UMAD1: variants seen among roughly 807,000 people sequenced by gnomAD.
The protein encoded by UMAD1 is UBAP1-MVB12-associated (UMA) domain containing 1, also known as UBAP1-MVB12-associated (UMA)-domain containing protein 1.
Under a neutral mutation model 6.1 loss-of-function variants are expected in UMAD1, and 8 were observed. The observed-to-expected ratio is 1.30, with a 90% CI of 0.76 to 2.35. The LOEUF is 2.35. UMAD1 is among the 30% of genes most tolerant of loss of function. The probability of loss-of-function intolerance (pLI) is 0.00; values close to 1 mark genes in which losing one functional copy is unlikely to be tolerated. For synonymous variants in UMAD1, 56 were observed against 31.4 expected (o/e 1.78, Z -2.61); for missense variants, 130 against 78.4 (o/e 1.66, Z -2.49).
chr7:7,642,017 T>G, intron 1 of UMAD1, among the ~76,000 whole-genome samples: 2 of 152,354 alleles, frequency 1.3e-5, no homozygotes, highest in Middle Eastern at 6.8e-3. Flanking sequence ...GTGGTTGTAT[T>G]GGTGCAAGTC....
At position 7,673,325 on chromosome 7, in the gene UMAD1, CAG is replaced by C. The variant is rs1563107924; in HGVS notation, c.-46_-45del. The C allele has an allele frequency of 1.9e-6, 2 of 1,077,696 alleles. No individual in the cohort carries two copies. The highest frequency in any genetic ancestry group is 2.7e-6 in the Non-Finnish European group (2 of 753,956). The allele number at this position is 1,077,696 out of a possible 1,614,324, so 66.8% of individuals were successfully genotyped here. A position where few individuals can be genotyped will look rare whatever the true frequency, so the allele number is the denominator to read the frequency against. ...CTATTTCAGGTAGCAGCAGCAGCAG[CAG>C]CAGCAGCAGCAGCAGCAGCAGCAGC... On this transcript the variant is annotated 5_prime_UTR_variant, in exon 2 of 4. Coordinates refer to ENST00000682710, the MANE Select transcript of UMAD1 (RefSeq NM_001302348.2).
Position 7,673,308 on chromosome 7 carries a change from G to A in UMAD1, c.-63-1G>A. The A allele has an allele frequency of 9.5e-7, 1 of 1,050,990 alleles. No individual in the cohort carries two copies. 65.1% of individuals were successfully genotyped at this position (1,050,990 alleles called of 1,614,324 possible). A position where few individuals can be genotyped will look rare whatever the true frequency, so the allele number is the denominator to read the frequency against. On this transcript the variant is annotated splice_acceptor_variant, in intron 1 of 3. Transcript: ENST00000682710. LOFTEE classifies it low-confidence loss of function (5UTR_SPLICE). Reference sequence around the variant, plus strand: ...GACATTGTGTAATGTTTCTATTTCAGGTAGCAGCAGCAGCAGCAGCAGCAG... The same window carrying A: ...GACATTGTGTAATGTTTCTATTTCAAGTAGCAGCAGCAGCAGCAGCAGCAG...
chr7:7,756,664 T>C (rs893540428), intron 2 of UMAD1, among the ~76,000 whole-genome samples: 3 of 152,184 alleles, frequency 2.0e-5, no homozygotes, highest in Non-Finnish European at 2.9e-5. Flanking sequence ...TGTTAAAAAG[T>C]TTTTAATTTT....
At chr7:7,803,126 C>T (rs943087306) in intron 3 of UMAD1, among the ~76,000 whole-genome samples, 2 of 152,180 alleles carry the variant, frequency 1.3e-5, no homozygotes, top group African/African-American at 4.8e-5. Flanking sequence ...GACACAAGGA[C>T]ATAGAAAAAT....
chr7:7,769,303 T>C (rs966654672), intron 2 of UMAD1, among the ~76,000 whole-genome samples: 1 of 152,180 alleles, frequency 6.6e-6, no homozygotes, highest in Non-Finnish European at 1.5e-5. Flanking sequence ...ATCTCAAAAA[T>C]AATTGCCCTT....
At chr7:7,726,660 T>G (rs1431618929) in intron 2 of UMAD1, among the ~76,000 whole-genome samples, 2 of 152,156 alleles carry the variant, frequency 1.3e-5, no homozygotes, top group African/African-American at 4.8e-5. Flanking sequence ...CCTTTTCCTG[T>G]GACATTACGT....
intron 3 of UMAD1, among the ~76,000 whole-genome samples, chr7:7,826,457 A>G (rs527691491): frequency 4.6e-5 from 7 of 152,174 alleles, no homozygotes; most frequent in Non-Finnish European, 8.8e-5. Flanking sequence ...ATAAAACTTT[A>G]GGTAAATTCC....
chr7:7,737,675 G>A (rs1781387613), intron 2 of UMAD1, among the ~76,000 whole-genome samples: 3 of 152,136 alleles, frequency 2.0e-5, no homozygotes, highest in Admixed American at 2.0e-4. Context: ...TTTATAAAGT[G>A]TTAATTGTGC....
chr7:7,732,883 T>G (rs1478328466), intron 2 of UMAD1, among the ~76,000 whole-genome samples: 1 of 152,192 alleles, frequency 6.6e-6, no homozygotes, highest in East Asian at 1.9e-4. Flanking sequence ...GTAGATTAAG[T>G]TGGTCATCTA....
chr7:7,861,541 A>G (rs1280138756), intron 3 of UMAD1, among the ~76,000 whole-genome samples: 1 of 152,244 alleles, frequency 6.6e-6, no homozygotes, highest in Non-Finnish European at 1.5e-5. Flanking sequence ...AGGTGCAGCA[A>G]GTGTGAGTAA....
At chr7:7,770,696 G>T (rs1431125495) in intron 2 of UMAD1, among the ~76,000 whole-genome samples, 1 of 152,106 alleles carries the variant, frequency 6.6e-6, no homozygotes, top group Non-Finnish European at 1.5e-5. Flanking sequence ...GATGATTCTT[G>T]TGAATTGAGA....
At chr7:7,867,763 A>G (rs976606245) in intron 3 of UMAD1, among the ~76,000 whole-genome samples, 18 of 152,148 alleles carry the variant, frequency 1.2e-4, no homozygotes, top group African/African-American at 4.1e-4. Context: ...GGAAGGTGAT[A>G]TTCCAATAGG....
At chr7:7,723,621 T>C (rs925712144) in intron 2 of UMAD1, among the ~76,000 whole-genome samples, 2 of 152,224 alleles carry the variant, frequency 1.3e-5, no homozygotes, top group Non-Finnish European at 2.9e-5. Flanking sequence ...GGGCAGCACC[T>C]GTATCTTTCA....
At chr7:7,697,616 A>C (rs1315485744) in intron 2 of UMAD1, among the ~76,000 whole-genome samples, 4 of 152,206 alleles carry the variant, frequency 2.6e-5, no homozygotes, top group African/African-American at 4.8e-5. Context: ...CCTAACTTTA[A>C]AGATATTTTT....
intron 2 of UMAD1, among the ~76,000 whole-genome samples, chr7:7,682,854 A>G (rs953469505): frequency 3.3e-5 from 5 of 152,220 alleles, no homozygotes; most frequent in Admixed American, 2.0e-4. Flanking sequence ...AACTAACTTC[A>G]TGATGTAGAT....
At chr7:7,775,239 C>T (rs1364000107) in intron 2 of UMAD1, among the ~76,000 whole-genome samples, 1 of 152,156 alleles carries the variant, frequency 6.6e-6, no homozygotes, top group Non-Finnish European at 1.5e-5. Flanking sequence ...ATTAATACTG[C>T]AATGAGATAC....
chr7:7,664,893 A>C (rs957752501), intron 1 of UMAD1, among the ~76,000 whole-genome samples: 5 of 152,184 alleles, frequency 3.3e-5, no homozygotes, highest in African/African-American at 1.2e-4. Context: ...CATGCATTTC[A>C]CTGTACAAAA....
chr7:7,846,793 A>G (rs932888103), intron 3 of UMAD1, among the ~76,000 whole-genome samples: 1 of 151,124 alleles, frequency 6.6e-6, no homozygotes, highest in Non-Finnish European at 1.5e-5. Context: ...AAGACTTTTC[A>G]TTCTATTTTA....
chr7:7,806,897 A>C (rs1035247244), intron 3 of UMAD1, among the ~76,000 whole-genome samples: 3 of 152,244 alleles, frequency 2.0e-5, no homozygotes, highest in African/African-American at 7.2e-5. Flanking sequence ...GCTTAAAAAT[A>C]ACATTTGTAG....
Sources: allele counts gnomAD v4.1 joint callset (sites outside exome capture counted in the v4.1 genomes callset), GRCh38; gene constraint gnomAD v4.1.1; transcripts MANE v1.5; gene names NCBI Gene and HGNC (gene_info 2026-07-23, HGNC 2026-07-21).